ANKHD1: variants seen among roughly 807,000 people sequenced by gnomAD.
The protein encoded by ANKHD1 is ankyrin repeat and KH domain-containing protein 1.
ANKHD1 carries 31 observed loss-of-function variants against 230.5 expected under a neutral mutation model. The observed-to-expected ratio is 0.13, with a 90% CI of 0.10 to 0.18. The LOEUF (loss-of-function observed/expected upper bound fraction) is 0.18. ANKHD1 is among the 10% of genes least tolerant of loss of function. The pLI is 1.00. For missense variants in ANKHD1, 2,256 were observed against 3,071.3 expected (o/e 0.73, Z 6.27); for synonymous variants, 1,074 against 1,117.6 (o/e 0.96, Z 0.78).
Position 140,485,860 on chromosome 5 carries a change from ACT to A in ANKHD1, c.2142+131_2142+132del, listed in dbSNP as rs1751478652. 1.4e-5 allele frequency: 19 copies of A among 1,334,400 alleles called. No homozygotes were observed. In the South Asian group the frequency reaches 1.7e-4, roughly 12 times the overall value. 82.7% of individuals were successfully genotyped at this position (1,334,400 alleles called of 1,614,324 possible). A position where few individuals can be genotyped will look rare whatever the true frequency, so the allele number is the denominator to read the frequency against. ...TCTGTTACATATTGAGAAAATCATG[ACT>A]CTAAATTCTTTAGGATTTATTTTCT... On this transcript the variant is annotated intron_variant, in intron 13 of 33. Transcript: ENST00000360839. The surrounding 1 kb of genome is among the most constrained non-coding windows in gnomAD (Gnocchi z 4.8).
chr5:140,518,377 C>T (rs1753149168), intron 24 of ANKHD1, among the ~76,000 whole-genome samples: 1 of 152,076 alleles, frequency 6.6e-6, no homozygotes, highest in Admixed American at 6.6e-5. Flanking sequence ...GAGCTGGTAC[C>T]ATTCCTTCTG....
rs568181144 is a variant in ANKHD1, at chr5:140,409,673, C to T, written c.306+7400C>T. 3.9e-5 allele frequency among the ~76,000 whole-genome samples: 6 copies of T among 151,992 alleles called. No individual in the cohort carries two copies. The South Asian group carries it at 8.3e-4, about 21-fold the overall frequency. On this transcript the variant is annotated intron_variant, in intron 1 of 33. Transcript: ENST00000360839. ...GTTCAAGTGATTCTCCTGCCTCAGC[C>T]TCCTGAGTAGCTGGGACTACAGGCC...
intron 1 of ANKHD1, among the ~76,000 whole-genome samples, chr5:140,421,352 G>A (rs1019750785): frequency 2.8e-5 from 4 of 140,602 alleles, no homozygotes; most frequent in African/African-American, 1.1e-4. Flanking sequence ...CCAGGCTGGC[G>A]TGCAGTGGCG....
At chr5:140,443,666 C>T (rs907374022) in intron 5 of ANKHD1, among the ~76,000 whole-genome samples, 9 of 145,448 alleles carry the variant, frequency 6.2e-5, no homozygotes, top group African/African-American at 2.1e-4. Flanking sequence ...GGCGACAGAG[C>T]GAGACTCCGT....
At chr5:140,444,089 C>CTTTTTTTTT (rs1345874881) in intron 5 of ANKHD1, among the ~76,000 whole-genome samples, 1 of 140,276 alleles carries the variant, frequency 7.1e-6, no homozygotes, top group Non-Finnish European at 1.5e-5. Flanking sequence ...TCCCCCCCCC[C>CTTTTTTTTT]CTTTTTTTTT....
chr5:140,523,985 G>C, intron 24 of ANKHD1, 81 bp from the exon 25 acceptor site: 2 of 1,466,102 alleles, frequency 1.4e-6, no homozygotes, highest in Non-Finnish European at 1.8e-6. Flanking sequence ...GGAAATCCCT[G>C]TGTATCATAA....
At chr5:140,517,121 A>G (rs1753058040) in intron 24 of ANKHD1, among the ~76,000 whole-genome samples, 1 of 147,588 alleles carries the variant, frequency 6.8e-6, no homozygotes, top group Non-Finnish European at 1.5e-5. Context: ...GAAAACAAAA[A>G]AAGGCAGGGG....
rs987714979 is a variant in ANKHD1, at chr5:140,506,782, T to C, written c.3409-53T>C. ...CTGTTTCTTTGTGTTTCCTTCATTATAAGTTGAGCCCTTGGTGTAAACTCT... is the reference window on the plus strand; with the variant it reads ...CTGTTTCTTTGTGTTTCCTTCATTACAAGTTGAGCCCTTGGTGTAAACTCT... On this transcript the variant is annotated intron_variant, in intron 18 of 33. Coordinates refer to ENST00000360839, the MANE Select transcript of ANKHD1 (RefSeq NM_017747.3). This position sits in a 1 kb window ranked among gnomAD's most constrained non-coding sequence, Gnocchi z 4.7. The C allele has an allele frequency of 6.3e-6, 10 of 1,592,000 alleles. No individual in the cohort carries two copies. Among genetic ancestry groups the C allele is most frequent in the African/African-American group, 1.4e-5 (1 of 73,326 alleles).
At chr5:140,403,183 G>A (rs977140012) in intron 1 of ANKHD1, among the ~76,000 whole-genome samples, 2 of 151,718 alleles carry the variant, frequency 1.3e-5, no homozygotes, top group South Asian at 4.2e-4. Flanking sequence ...TGGTCAGGCT[G>A]GTCTCGAACT....
In ANKHD1 at chr5:140,535,532, A is replaced by G. The variant is rs773196871; in HGVS notation, c.7021A>G (p.Asn2341Asp). ...TCCCCATCCTTGGACAAGCGCCTCA[A>G]ACTCATGTAGGAATCCTGGAGGAAC... is the stretch of plus-strand genomic sequence containing the variant. ...FSPHPWTSASNSSTSAPPTLG... is the reference protein window; with the variant it reads ...FSPHPWTSASDSSTSAPPTLG... Residue 2341 changes from asparagine to aspartate, a missense_variant, in exon 30 of 34, where the codon AAC (asparagine) becomes GAC (aspartate). By Grantham distance (23) the Asn-to-Asp change is conservative. Transcript: ENST00000360839. 2 of 1,598,444 alleles carry G rather than the reference A, an allele frequency of 1.3e-6. No individual in the cohort carries two copies. Among genetic ancestry groups the G allele is most frequent in the African/African-American group, 1.4e-5 (1 of 73,934 alleles).
chr5:140,472,188 G>A (rs1776539206), intron 10 of ANKHD1: 2 of 1,562,360 alleles, frequency 1.3e-6, no homozygotes, highest in South Asian at 2.3e-5. Flanking sequence ...GGCCAAATGT[G>A]ATTTTCGTTT....
chr5:140,415,462 G>C (rs536152194), intron 1 of ANKHD1, among the ~76,000 whole-genome samples: 1 of 132,274 alleles, frequency 7.6e-6, no homozygotes, highest in Non-Finnish European at 1.6e-5. Context: ...TTTTTGAGAT[G>C]GAGTCTTGCT....
intron 31 of ANKHD1, 136 bp downstream of exon 31, chr5:140,537,725 TTA>T (rs1257338431): frequency 1.5e-6 from 2 of 1,355,292 alleles, no homozygotes; most frequent in Non-Finnish European, 1.9e-6. Context: ...GGAAGGGTGT[TTA>T]TATCTTTGAG....
intron 10 of ANKHD1, among the ~76,000 whole-genome samples, chr5:140,472,848 A>G (rs561634156): frequency 6.6e-6 from 1 of 152,212 alleles, no homozygotes; most frequent in South Asian, 2.1e-4. Context: ...ATATTTTTTC[A>G]TAGGAAATAT....
intron 7 of ANKHD1, among the ~76,000 whole-genome samples, chr5:140,454,015 T>G (rs910218789): frequency 2.6e-5 from 4 of 151,864 alleles, no homozygotes; most frequent in South Asian, 4.2e-4. Context: ...AGGGATGGAG[T>G]AAGACCTACC....
chr5:140,524,939 A>T (rs1318971258), intron 25 of ANKHD1: 1 of 299,826 alleles, frequency 3.3e-6, no homozygotes, highest in Non-Finnish European at 6.7e-6. Flanking sequence ...TCTCTACTTA[A>T]AAAAAAAAAA....
chr5:140,420,674 C>A (rs769652425), intron 1 of ANKHD1, among the ~76,000 whole-genome samples: 47 of 152,282 alleles, frequency 3.1e-4, no homozygotes, highest in Middle Eastern at 3.4e-3. Context: ...ACTGTCTGTT[C>A]TATTCATTGA....
At chr5:140,495,053 T>G (rs537617946) in intron 14 of ANKHD1, among the ~76,000 whole-genome samples, 3 of 152,278 alleles carry the variant, frequency 2.0e-5, no homozygotes, top group Admixed American at 2.0e-4. Flanking sequence ...TCATTTTCAC[T>G]GTTATAACCT....
chr5:140,532,105 G>T (rs1753853786), intron 29 of ANKHD1, among the ~76,000 whole-genome samples: 1 of 151,818 alleles, frequency 6.6e-6, no homozygotes, highest in South Asian at 2.1e-4. Context: ...TACTCAGGAG[G>T]CCGAGGCAGG....
Sources: gnomAD v4.1 joint callset for allele counts (sites outside exome capture counted in the v4.1 genomes callset) on GRCh38, gnomAD v4.1.1 for gene constraint, Gnocchi (gnomAD v3.1) non-coding constraint, MANE v1.5 for transcripts, NCBI Gene and HGNC (gene_info 2026-07-23, HGNC 2026-07-21) for gene names.